Variants in LRP1B observed in about 807,000 individuals in gnomAD.
The protein encoded by LRP1B is LDL receptor related protein 1B.
In LRP1B, 217 loss-of-function variants were observed where a neutral mutation model predicts 556.6. The ratio of observed to expected loss-of-function variants is 0.39; its 90% CI spans 0.35 to 0.44. LRP1B has a LOEUF of 0.44. Among genes scored for constraint, LRP1B ranks in the 20% least tolerant of loss-of-function variants. LRP1B has a pLI of 1.00. For synonymous variants in LRP1B, 2,047 were observed against 1,865.8 expected (o/e 1.10, Z -2.50); for missense variants, 5,053 against 5,620.8 (o/e 0.90, Z 3.23).
At chr2:140,508,762 G>A (rs1334189634) in intron 52 of LRP1B, among the ~76,000 whole-genome samples, 1 of 152,132 alleles carries the variant, frequency 6.6e-6, no homozygotes, top group Non-Finnish European at 1.5e-5. Flanking sequence ...ACAATTTGCT[G>A]CATTTTAACG....
chr2:140,579,551 G>A (rs1681674541), intron 43 of LRP1B, among the ~76,000 whole-genome samples: 1 of 152,114 alleles, frequency 6.6e-6, no homozygotes, highest in Non-Finnish European at 1.5e-5. Context: ...CATTTTAAAA[G>A]GCTAGGGTAG....
intron 6 of LRP1B, among the ~76,000 whole-genome samples, chr2:141,203,931 A>G (rs1431564150): frequency 2.0e-5 from 3 of 152,222 alleles, no homozygotes; most frequent in Non-Finnish European, 2.9e-5. Context: ...CTGAATGACT[A>G]CTGGGTAAAT....
intron 20 of LRP1B, among the ~76,000 whole-genome samples, chr2:140,944,338 T>C (rs933837318): frequency 1.3e-5 from 2 of 152,054 alleles, no homozygotes; most frequent in Non-Finnish European, 2.9e-5. Flanking sequence ...CCACCTGACC[T>C]ACAAAGAAGA....
intron 2 of LRP1B, among the ~76,000 whole-genome samples, chr2:141,782,649 T>G (rs1695295600): frequency 6.6e-6 from 1 of 151,690 alleles, no homozygotes; most frequent in African/African-American, 2.4e-5. Flanking sequence ...ATAGGGTTTG[T>G]GTGAAACTCA....
chr2:141,561,797 T>C (rs1686162595), intron 2 of LRP1B, among the ~76,000 whole-genome samples: 1 of 151,672 alleles, frequency 6.6e-6, no homozygotes, highest in Non-Finnish European at 1.5e-5. Flanking sequence ...AATGTGTTTG[T>C]CTTATCTAGA....
chr2:140,806,933 C>T (rs1690738641), intron 32 of LRP1B, among the ~76,000 whole-genome samples: 2 of 152,306 alleles, frequency 1.3e-5, no homozygotes, highest in South Asian at 4.1e-4. Context: ...TCAACTTTCT[C>T]TTCAGTGTAA....
At chr2:140,690,711 C>A (rs1686206458) in intron 41 of LRP1B, among the ~76,000 whole-genome samples, 1 of 152,096 alleles carries the variant, frequency 6.6e-6, no homozygotes, top group Non-Finnish European at 1.5e-5. Context: ...TAATCAATGA[C>A]CATGTAACCC....
At chr2:140,685,725 T>C (rs759358313) in intron 41 of LRP1B, among the ~76,000 whole-genome samples, 1 of 152,162 alleles carries the variant, frequency 6.6e-6, no homozygotes, top group Non-Finnish European at 1.5e-5. Flanking sequence ...TGACACATAG[T>C]GAATTCATAA....
chr2:140,900,970 A>G (rs1694088125), intron 23 of LRP1B, among the ~76,000 whole-genome samples: 2 of 152,202 alleles, frequency 1.3e-5, no homozygotes, highest in South Asian at 4.1e-4. Context: ...GGTTCATAAT[A>G]TATGGGTTCT....
intron 18 of LRP1B, among the ~76,000 whole-genome samples, chr2:140,953,850 T>G (rs1695791536): frequency 6.6e-6 from 1 of 152,176 alleles, no homozygotes; most frequent in South Asian, 2.1e-4. Context: ...AAAACAGGTC[T>G]TAGAATTCAT....
intron 43 of LRP1B, among the ~76,000 whole-genome samples, chr2:140,547,356 C>T (rs1332131894): frequency 6.6e-6 from 1 of 151,986 alleles, no homozygotes; most frequent in Non-Finnish European, 1.5e-5. Context: ...CTCAGGGATT[C>T]AATTTTTTTC....
At chr2:140,532,379 G>C (rs933393160) in intron 47 of LRP1B, among the ~76,000 whole-genome samples, 1 of 151,064 alleles carries the variant, frequency 6.6e-6, no homozygotes, top group African/African-American at 2.4e-5. Context: ...TCTGTTTTTT[G>C]TTTGTTTGTT....
At chr2:140,919,034 C>T (rs780854495) in intron 21 of LRP1B, among the ~76,000 whole-genome samples, 3 of 151,834 alleles carry the variant, frequency 2.0e-5, no homozygotes, top group South Asian at 2.1e-4. Context: ...TTTTTCTTTT[C>T]GAGGGTCTCA....
chr2:140,496,663 T>C (rs1264492036), intron 55 of LRP1B, among the ~76,000 whole-genome samples: 2 of 152,048 alleles, frequency 1.3e-5, no homozygotes, highest in Non-Finnish European at 2.9e-5. Flanking sequence ...GATTGGTCAT[T>C]GTCTCTCAGT....
At chr2:141,375,607 C>T (rs1188646740) in intron 3 of LRP1B, among the ~76,000 whole-genome samples, 1 of 152,160 alleles carries the variant, frequency 6.6e-6, no homozygotes, top group Non-Finnish European at 1.5e-5. Flanking sequence ...AGAGCTTGGT[C>T]TCCATGTCCC....
intron 1 of LRP1B, among the ~76,000 whole-genome samples, chr2:142,010,428 C>T (rs1324393843): frequency 1.3e-5 from 2 of 151,398 alleles, no homozygotes; most frequent in African/African-American, 2.4e-5. Flanking sequence ...GTGGCGGGTG[C>T]CTGTAGTCTC....
At chr2:142,099,108 A>G (rs1046641674) in intron 1 of LRP1B, among the ~76,000 whole-genome samples, 1 of 151,868 alleles carries the variant, frequency 6.6e-6, no homozygotes, top group African/African-American at 2.4e-5. Context: ...ACAAGTTGAT[A>G]TCCAGTACAT....
chr2:140,696,609 A>G (rs1012849972), intron 41 of LRP1B, among the ~76,000 whole-genome samples: 3 of 152,258 alleles, frequency 2.0e-5, no homozygotes, highest in Non-Finnish European at 4.4e-5. Flanking sequence ...GTTAGGAGCC[A>G]GGAGGAATAG....
intron 84 of LRP1B, among the ~76,000 whole-genome samples, chr2:140,275,562 G>A (rs1028222215): frequency 2.6e-5 from 4 of 151,916 alleles, no homozygotes; most frequent in Non-Finnish European, 5.9e-5. Context: ...TGTACACGTA[G>A]CAGAACAAAC....
Sources: gnomAD v4.1 joint callset for allele counts (sites outside exome capture counted in the v4.1 genomes callset) on GRCh38, gnomAD v4.1.1 for gene constraint, MANE v1.5 for transcripts, NCBI Gene and HGNC (gene_info 2026-07-23, HGNC 2026-07-21) for gene names.